The following AK5 variants were observed in gnomAD, a reference collection of about 807,000 sequenced individuals.
AK5 encodes the protein adenylate kinase 5, also known as adenylate kinase isoenzyme 5.
Under a neutral mutation model 69.5 loss-of-function variants are expected in AK5, and 27 were observed. The ratio of observed to expected loss-of-function variants is 0.39; its 90% CI spans 0.29 to 0.54. The LOEUF (loss-of-function observed/expected upper bound fraction) is 0.54, where lower values mean the gene tolerates loss of function less well. AK5 is among the 20% of genes least tolerant of loss of function. The pLI is 0.71. For synonymous variants in AK5, 260 were observed against 244.4 expected (o/e 1.06, Z -0.60); for missense variants, 531 against 700.4 (o/e 0.76, Z 2.73).
At chr1:77,301,020 G>T (rs1304881120) in intron 5 of AK5, among the ~76,000 whole-genome samples, 1 of 152,154 alleles carries the variant, frequency 6.6e-6, no homozygotes, top group African/African-American at 2.4e-5. Context: ...CACAGATCTG[G>T]GGTGTGAGAA....
At chr1:77,506,559 G>T (rs1657040394) in intron 10 of AK5, among the ~76,000 whole-genome samples, 1 of 152,120 alleles carries the variant, frequency 6.6e-6, no homozygotes, top group South Asian at 2.1e-4. Flanking sequence ...GTAAGAGCTG[G>T]AGTCATGGCA....
intron 12 of AK5, among the ~76,000 whole-genome samples, chr1:77,524,604 G>A (rs993125152): frequency 6.6e-5 from 10 of 152,116 alleles, no homozygotes; most frequent in Non-Finnish European, 1.3e-4. Context: ...TTTTGTTGTT[G>A]TCTAGTTGTA....
At chr1:77,523,425 G>GA (rs1394308881) in intron 12 of AK5, among the ~76,000 whole-genome samples, 1 of 152,028 alleles carries the variant, frequency 6.6e-6, no homozygotes, top group Non-Finnish European at 1.5e-5. Flanking sequence ...TTTTTCCCAT[G>GA]AAAAAAATCA....
chr1:77,417,107 G>A (rs1650480093), intron 7 of AK5, among the ~76,000 whole-genome samples: 1 of 152,082 alleles, frequency 6.6e-6, no homozygotes, highest in Non-Finnish European at 1.5e-5. Context: ...AAGGTGACCC[G>A]AAGGCTTGAG....
chr1:77,460,793 G>A (rs779027522), intron 8 of AK5, among the ~76,000 whole-genome samples: 11 of 151,816 alleles, frequency 7.2e-5, no homozygotes, highest in Non-Finnish European at 1.2e-4. Flanking sequence ...ATGCAATCTC[G>A]GCTCACTGCA....
intron 6 of AK5, among the ~76,000 whole-genome samples, chr1:77,365,821 G>A (rs1050964635): frequency 9.2e-5 from 14 of 152,184 alleles, no homozygotes; most frequent in South Asian, 8.3e-4. Context: ...TGCTCTAGGT[G>A]ATGTTTCCAA....
At chr1:77,335,383 G>A (rs1661293079) in intron 5 of AK5, among the ~76,000 whole-genome samples, 1 of 49,772 alleles carries the variant, frequency 2.0e-5, no homozygotes, top group Non-Finnish European at 5.0e-5. Context: ...CAGTTTTTTG[G>A]GTTTTTTTTT....
intron 8 of AK5, among the ~76,000 whole-genome samples, chr1:77,425,035 A>C (rs2100598171): frequency 1.3e-5 from 2 of 152,348 alleles, no homozygotes; most frequent in East Asian, 3.9e-4. Flanking sequence ...AAAATGCCTT[A>C]CCTGTAGTAG....
At chr1:77,427,923 G>A (rs1486910775) in intron 8 of AK5, among the ~76,000 whole-genome samples, 1 of 152,178 alleles carries the variant, frequency 6.6e-6, no homozygotes, top group Non-Finnish European at 1.5e-5. Flanking sequence ...AAGTGTCCTT[G>A]TTCACAGATG....
intron 8 of AK5, among the ~76,000 whole-genome samples, chr1:77,433,579 C>G (rs1295195865): frequency 6.6e-6 from 1 of 150,448 alleles, no homozygotes; most frequent in South Asian, 2.1e-4. Flanking sequence ...CTTAAGTAAA[C>G]AATCATATTG....
chr1:77,396,214 G>A (rs932509804), intron 6 of AK5, among the ~76,000 whole-genome samples: 8 of 152,170 alleles, frequency 5.3e-5, no homozygotes, highest in Non-Finnish European at 7.3e-5. Context: ...AGCATCAAAA[G>A]CATTTATAAG....
At chr1:77,339,753 C>A (rs1325433866) in intron 5 of AK5, among the ~76,000 whole-genome samples, 1 of 150,102 alleles carries the variant, frequency 6.7e-6, no homozygotes, top group Non-Finnish European at 1.5e-5. Context: ...TCAAGCAATT[C>A]TCTTGCCTTA....
At chr1:77,538,912 A>G (rs1000026381) in intron 13 of AK5, among the ~76,000 whole-genome samples, 3 of 152,222 alleles carry the variant, frequency 2.0e-5, no homozygotes, top group Non-Finnish European at 4.4e-5. Context: ...AAAAGACCAG[A>G]TTACAACACA....
At chr1:77,307,453 G>A (rs2996486) in intron 5 of AK5, among the ~76,000 whole-genome samples, 134,455 of 151,900 alleles carry the variant, frequency 0.89, 59,855 homozygotes, top group Middle Eastern at 0.97. Flanking sequence ...TTTTTATTCC[G>A]TTTTGGTTAG....
chr1:77,531,814 C>G (rs1209118546), intron 12 of AK5, among the ~76,000 whole-genome samples: 1 of 119,362 alleles, frequency 8.4e-6, no homozygotes, highest in Non-Finnish European at 1.7e-5. Context: ...GGGCTGCGCT[C>G]GTCGGGGAGG....
intron 5 of AK5, among the ~76,000 whole-genome samples, chr1:77,321,916 ATTAG>A (rs1660555224): frequency 6.6e-6 from 1 of 152,188 alleles, no homozygotes; most frequent in Non-Finnish European, 1.5e-5. Flanking sequence ...TACCAAAACT[ATTAG>A]TTAAATTTAG....
At chr1:77,484,973 A>G (rs1655495153) in intron 9 of AK5, among the ~76,000 whole-genome samples, 1 of 152,166 alleles carries the variant, frequency 6.6e-6, no homozygotes, top group African/African-American at 2.4e-5. Context: ...ATACAATCAT[A>G]CCAAAAAAAA....
Position 77,554,763 on chromosome 1 carries a change from G to A in AK5, c.1621-3839G>A, listed in dbSNP as rs1286935886. 5.1e-5 allele frequency among the ~76,000 whole-genome samples: 7 copies of A among 136,892 alleles called. No individual in the cohort carries two copies. In the East Asian group the frequency reaches 1.6e-3, roughly 31 times the overall value. The allele number at this position is 136,892 out of a possible 152,430, so 89.8% of individuals were successfully genotyped here. Reference sequence around the variant, plus strand: ...TGGGACTACAGGCGCCCGCCACCATGCCCGGCTATTTTTTTTTTTTTTTTT... The same window carrying A: ...TGGGACTACAGGCGCCCGCCACCATACCCGGCTATTTTTTTTTTTTTTTTT... On this transcript the variant is annotated intron_variant, in intron 13 of 13. Transcript: ENST00000354567.
intron 6 of AK5, among the ~76,000 whole-genome samples, chr1:77,348,777 A>G (rs1400095148): frequency 6.6e-6 from 1 of 152,072 alleles, no homozygotes; most frequent in Non-Finnish European, 1.5e-5. Flanking sequence ...ACACAAACAC[A>G]TATTTTTAGC....
Sources: gnomAD v4.1 joint callset for allele counts (sites outside exome capture counted in the v4.1 genomes callset) on GRCh38, gnomAD v4.1.1 for gene constraint, MANE v1.5 for transcripts, NCBI Gene and HGNC (gene_info 2026-07-23, HGNC 2026-07-21) for gene names.